Variants in PAK2 observed in about 807,000 individuals in gnomAD.
PAK2 encodes the protein serine/threonine-protein kinase PAK 2.
Under a neutral mutation model 65.9 loss-of-function variants are expected in PAK2, and 21 were observed. The observed-to-expected ratio is 0.32, with a 90% CI of 0.23 to 0.46. PAK2 has a LOEUF of 0.46. Among genes scored for constraint, PAK2 ranks in the 20% least tolerant of loss-of-function variants. The pLI, the probability that PAK2 is intolerant of heterozygous loss-of-function variation, is 1.00. For missense variants in PAK2, 324 were observed against 642.6 expected (o/e 0.50, Z 5.36); for synonymous variants, 204 against 219.7 (o/e 0.93, Z 0.63).
At chr3:196,815,128 C>T (rs183627917) in intron 11 of PAK2, among the ~76,000 whole-genome samples, 13 of 150,772 alleles carry the variant, frequency 8.6e-5, no homozygotes, top group East Asian at 5.9e-4. Flanking sequence ...TGCAGTGAGC[C>T]GAGATCACAC....
chr3:196,800,985 G>C (rs1216382024), intron 2 of PAK2, among the ~76,000 whole-genome samples: 1 of 152,146 alleles, frequency 6.6e-6, no homozygotes, highest in Non-Finnish European at 1.5e-5. Flanking sequence ...TAGGGGGAAG[G>C]AACTGATGTG....
chr3:196,786,256 G>A (rs539083150), intron 2 of PAK2, among the ~76,000 whole-genome samples: 5 of 150,898 alleles, frequency 3.3e-5, no homozygotes, highest in African/African-American at 7.3e-5. Context: ...TCCGCCCCCC[G>A]GGTTCAATCA....
At chr3:196,817,248 T>A (rs552300407) in intron 11 of PAK2, among the ~76,000 whole-genome samples, 3 of 144,134 alleles carry the variant, frequency 2.1e-5, no homozygotes, top group African/African-American at 7.6e-5. Flanking sequence ...TACTGCAATC[T>A]CTGCCTCCTG....
chr3:196,830,764 G>T lies in PAK2; in HGVS notation c.*2359G>T, dbSNP rs1167622041. 1.3e-5 allele frequency: 2 copies of T among 152,100 alleles called. No individual in the cohort carries two copies. The highest frequency in any genetic ancestry group is 2.9e-5 in the Non-Finnish European group (2 of 68,030). 9.4% of individuals were successfully genotyped at this position (152,100 alleles called of 1,614,324 possible). ...TAACCTCTAACAGAAATATACTTTG[G>T]TTAATTTTGAAATGTGTCATTTTTA... On this transcript the variant is annotated 3_prime_UTR_variant, in exon 15 of 15. Transcript: ENST00000327134.
intron 1 of PAK2, among the ~76,000 whole-genome samples, chr3:196,760,371 C>T (rs983863182): frequency 6.6e-6 from 1 of 152,192 alleles, no homozygotes; most frequent in African/African-American, 2.4e-5. Context: ...CTGCCTCAGC[C>T]TCCTGAGTAG....
chr3:196,816,758 A>T (rs1286634448), intron 11 of PAK2, among the ~76,000 whole-genome samples: 9 of 152,232 alleles, frequency 5.9e-5, no homozygotes, highest in African/African-American at 2.2e-4. Context: ...TTACACCCGT[A>T]GTTCAAAAAC....
chr3:196,822,051 G>A (rs1022886740), intron 13 of PAK2, among the ~76,000 whole-genome samples: 3 of 152,196 alleles, frequency 2.0e-5, no homozygotes, highest in Non-Finnish European at 2.9e-5. Flanking sequence ...CTGACCGTCT[G>A]TTTCCTGAAT....
At chr3:196,790,013 A>C (rs1389364793) in intron 2 of PAK2, among the ~76,000 whole-genome samples, 1 of 152,108 alleles carries the variant, frequency 6.6e-6, no homozygotes, top group Non-Finnish European at 1.5e-5. Context: ...CCAGTTCCTA[A>C]CCGGCCATGG....
chr3:196,740,049 T>TCCCTCCCCTC lies in PAK2; in HGVS notation c.-121_-112dup, dbSNP rs1307156775. 1.0e-4 allele frequency: 15 copies of TCCCTCCCCTC among 150,716 alleles called. No homozygotes were observed. Among genetic ancestry groups the TCCCTCCCCTC allele is most frequent in the Non-Finnish European group, 1.5e-4 (10 of 67,558 alleles). 9.3% of individuals were successfully genotyped at this position (150,716 alleles called of 1,614,324 possible). ...CGTCTCTTCCCGCCCCGCTTCCCCT[T>TCCCTCCCCTC]CCCTCCCCTCCCCTCCCCGCACCGC... On this transcript the variant is annotated 5_prime_UTR_variant, in exon 1 of 15. Coordinates refer to ENST00000327134, the MANE Select transcript of PAK2 (RefSeq NM_002577.4).
chr3:196,774,504 A>G (rs990173149), intron 1 of PAK2, among the ~76,000 whole-genome samples: 18 of 152,202 alleles, frequency 1.2e-4, no homozygotes, highest in African/African-American at 4.3e-4. Flanking sequence ...TAAGCCTTGA[A>G]AGATTTGGTT....
intron 1 of PAK2, among the ~76,000 whole-genome samples, chr3:196,752,222 T>G (rs1209136835): frequency 6.6e-6 from 1 of 152,246 alleles, no homozygotes; most frequent in Non-Finnish European, 1.5e-5. Flanking sequence ...TACTCCATTC[T>G]ATGTATTATA....
Position 196,789,805 on chromosome 3 carries a change from C to T in PAK2, c.187+6972C>T, listed in dbSNP as rs142885712. Among the ~76,000 whole-genome samples, 175 of 152,212 alleles carry T rather than the reference C, an allele frequency of 1.1e-3. 2 individuals carry two copies. In the East Asian group the frequency reaches 0.027, roughly 23 times the overall value. ...TGTGGGGCTGACGGGGGGGTGGTTTCGGTATGAAACTCTTCCACCTCAGAT... is the reference window on the plus strand; with the variant it reads ...TGTGGGGCTGACGGGGGGGTGGTTTTGGTATGAAACTCTTCCACCTCAGAT... On this transcript the variant is annotated intron_variant, in intron 2 of 14. Transcript: ENST00000327134.
At chr3:196,811,299 C>T (rs1220881930) in intron 8 of PAK2, among the ~76,000 whole-genome samples, 73 of 35,634 alleles carry the variant, frequency 2.0e-3, no homozygotes, top group South Asian at 3.7e-3. Flanking sequence ...TTCCCTCCCT[C>T]CCTTCCTTCC....
At chr3:196,824,832 T>C (rs1711777030) in intron 13 of PAK2, among the ~76,000 whole-genome samples, 1 of 151,102 alleles carries the variant, frequency 6.6e-6, no homozygotes, top group South Asian at 2.1e-4. Flanking sequence ...AACAAGACCA[T>C]AGGACTGTGT....
chr3:196,769,647 TA>T (rs142503719), intron 1 of PAK2, among the ~76,000 whole-genome samples: 7 of 147,174 alleles, frequency 4.8e-5, no homozygotes, highest in Non-Finnish European at 7.5e-5. Flanking sequence ...CCGTCTCTCC[TA>T]AAAAAAAAAA....
chr3:196,810,278 C>G (rs1195107034), intron 7 of PAK2, among the ~76,000 whole-genome samples: 1 of 152,114 alleles, frequency 6.6e-6, no homozygotes, highest in African/African-American at 2.4e-5. Flanking sequence ...CAAACTGGTA[C>G]AGTCTTTTCA....
At chr3:196,812,170 G>A (rs113159880) in intron 8 of PAK2, 49 bp from the exon 9 acceptor site, 1 of 1,000,322 alleles carries the variant, frequency 1.0e-6, no homozygotes. Context: ...TATTGCAAAT[G>A]CTAGTGATTT....
At chr3:196,803,415 G>T (rs559953150) in intron 4 of PAK2, among the ~76,000 whole-genome samples, 16 of 152,154 alleles carry the variant, frequency 1.1e-4, no homozygotes, top group South Asian at 6.2e-4. Flanking sequence ...TGTTTATTTG[G>T]TTTTTTCTCC....
At chr3:196,782,181 T>C (rs1245875666) in intron 1 of PAK2, among the ~76,000 whole-genome samples, 1 of 152,078 alleles carries the variant, frequency 6.6e-6, no homozygotes, top group Admixed American at 6.6e-5. Context: ...TGAAATCAGA[T>C]TGGAGGGGTG....
Sources: gnomAD v4.1 joint callset for allele counts (sites outside exome capture counted in the v4.1 genomes callset) on GRCh38, gnomAD v4.1.1 for gene constraint, MANE v1.5 for transcripts, NCBI Gene and HGNC (gene_info 2026-07-23, HGNC 2026-07-21) for gene names.